CD6: variants seen among roughly 807,000 people sequenced by gnomAD.
CD6 encodes the protein CD6 molecule, also known as T-cell differentiation antigen CD6.
CD6 carries 53 observed loss-of-function variants against 75.3 expected under a neutral mutation model. That is an observed-to-expected ratio of 0.70 (90% CI 0.56 to 0.88). CD6 has a LOEUF of 0.88. Ranked by LOEUF, CD6 falls within the 40% of genes least tolerant of loss-of-function variation. CD6 has a pLI of 0.00. For synonymous variants in CD6, 359 were observed against 381.5 expected (o/e 0.94, Z 0.69); for missense variants, 770 against 897.1 (o/e 0.86, Z 1.81).
At chr11:60,979,929 C>T (rs549007512) in intron 1 of CD6, among the ~76,000 whole-genome samples, 1 of 152,330 alleles carries the variant, frequency 6.6e-6, no homozygotes, top group East Asian at 1.9e-4. Flanking sequence ...AGGCACAATC[C>T]AGTGACAGCT....
intron 1 of CD6, among the ~76,000 whole-genome samples, chr11:60,996,655 TC>T (rs1350173416): frequency 6.6e-6 from 1 of 152,160 alleles, no homozygotes; most frequent in East Asian, 1.9e-4. Context: ...GGAGCACGCC[TC>T]TCCCAAGGTT....
intron 12 of CD6, 124 bp downstream of exon 12, chr11:61,018,517 G>T: frequency 1.3e-6 from 1 of 769,442 alleles, no homozygotes. Context: ...AAAGAAGAGA[G>T]GGAAAGTAAC....
chr11:60,984,808 G>C (rs561938052), intron 1 of CD6, among the ~76,000 whole-genome samples: 12 of 152,316 alleles, frequency 7.9e-5, no homozygotes, highest in African/African-American at 2.9e-4. Context: ...TTCCCGTCAG[G>C]GGGAGGAGCA....
At chr11:60,974,859 G>C in intron 1 of CD6, among the ~76,000 whole-genome samples, 1 of 152,084 alleles carries the variant, frequency 6.6e-6, no homozygotes, top group East Asian at 1.9e-4. Flanking sequence ...TGGAAGGGGG[G>C]TGCTCTGTCA....
chr11:60,998,546 T>C (rs901462753), intron 1 of CD6, among the ~76,000 whole-genome samples: 4 of 152,172 alleles, frequency 2.6e-5, no homozygotes, highest in African/African-American at 9.7e-5. Flanking sequence ...CCCTCTCCAC[T>C]GTGCCCCCAA....
intron 1 of CD6, among the ~76,000 whole-genome samples, chr11:60,994,828 A>T (rs958771619): frequency 6.6e-6 from 1 of 152,228 alleles, no homozygotes; most frequent in Non-Finnish European, 1.5e-5. Context: ...ATGTAAAATA[A>T]TACCAAAGCA....
At chr11:61,018,464 A>G in intron 12 of CD6, 71 bp downstream of exon 12, 1 of 939,644 alleles carries the variant, frequency 1.1e-6, no homozygotes, top group Admixed American at 2.4e-5. Flanking sequence ...GTGGGGAACT[A>G]TTGGATGCAT....
At position 61,009,892 on chromosome 11, in the gene CD6, A is replaced by ACC; in HGVS notation, c.1084+24_1084+25dup. 1 of 1,512,920 alleles carries ACC rather than the reference A, an allele frequency of 6.6e-7. No homozygotes were observed. 93.7% of individuals were successfully genotyped at this position (1,512,920 alleles called of 1,614,324 possible). On this transcript the variant is annotated intron_variant, in intron 5 of 12. Coordinates refer to ENST00000313421, the MANE Select transcript of CD6 (RefSeq NM_006725.5). ...CTGCTCAGGTACCCCATCCTACTCC[A>ACC]CCCCCCCAGATTTGAGCCAGAATTC... is the stretch of plus-strand genomic sequence containing the variant.
chr11:60,990,023 GT>G, intron 1 of CD6, among the ~76,000 whole-genome samples: 1 of 151,592 alleles, frequency 6.6e-6, no homozygotes, highest in East Asian at 1.9e-4. Flanking sequence ...TTTTTATTTT[GT>G]TTTATTTTAT....
Position 61,008,793 on chromosome 11 carries a change from G to T in CD6, c.729G>T (p.Leu243=). ...CTTACCTGTGGGACTGCCCGGGGCTGCCAGGACAGCACTACTGCGGCCACA... is the reference window on the plus strand; with the variant it reads ...CTTACCTGTGGGACTGCCCGGGGCTTCCAGGACAGCACTACTGCGGCCACA... ...AEAYLWDCPG[L]PGQHYCGHKE... is the part of the protein sequence containing the mutation. The change falls in exon 4 of 13, where the codon CTG becomes CTT. Residue 243 remains leucine, a synonymous_variant. Transcript: ENST00000313421. 6.3e-7 allele frequency: 1 copy of T among 1,588,104 alleles called. No homozygotes were observed. The highest frequency in any genetic ancestry group is 2.3e-5 in the East Asian group (1 of 44,402).
intron 2 of CD6, 35 bp downstream of exon 2, chr11:61,006,677 G>C: frequency 6.5e-7 from 1 of 1,550,324 alleles, no homozygotes; most frequent in Non-Finnish European, 8.8e-7. Context: ...TCCATGATCA[G>C]CTTTCTGTAG....
At chr11:60,997,709 A>G (rs1423270387) in intron 1 of CD6, among the ~76,000 whole-genome samples, 1 of 152,226 alleles carries the variant, frequency 6.6e-6, no homozygotes, top group East Asian at 1.9e-4. Flanking sequence ...GGAGAATCAC[A>G]TATCTCACTT....
rs190838193 is a variant in CD6 at position 60,980,128 on chromosome 11, C to T, written c.49+8214C>T. 2.9e-4 allele frequency among the ~76,000 whole-genome samples: 44 copies of T among 152,286 alleles called. 1 individual carries two copies. The highest frequency in any genetic ancestry group is 2.9e-3 in the Admixed American group (44 of 15,296). ...TTTAAATCCATGTCATGATATGTCA[C>T]CACTGGGGGAAGCTGACTGATGGGT... On this transcript the variant is annotated intron_variant, in intron 1 of 12. Coordinates refer to ENST00000313421, the MANE Select transcript of CD6 (RefSeq NM_006725.5).
At chr11:60,982,932 A>G (rs1319790926) in intron 1 of CD6, among the ~76,000 whole-genome samples, 1 of 141,982 alleles carries the variant, frequency 7.0e-6, no homozygotes, top group African/African-American at 2.7e-5. Flanking sequence ...CCCCACCCCT[A>G]GAGAGAATGC....
chr11:61,014,049 G>A, intron 8 of CD6, 35 bp downstream of exon 8: 2 of 1,519,500 alleles, frequency 1.3e-6, no homozygotes, highest in Non-Finnish European at 1.8e-6. Flanking sequence ...TGGGAGGGCT[G>A]GGGAGGACAA....
Position 61,020,168 on chromosome 11 carries a change from A to AG in CD6, c.*854dup, listed in dbSNP as rs1384478722. On this transcript the variant is annotated 3_prime_UTR_variant, in exon 13 of 13. Transcript: ENST00000313421. Reference sequence around the variant, plus strand: ...AGGAGCATAGAGATGTTTTCCAGGAAGGGGCTCAGAAGCTGCACTAGGCCC... The same window carrying AG: ...AGGAGCATAGAGATGTTTTCCAGGAAGGGGGCTCAGAAGCTGCACTAGGCCC... 2.5e-6 allele frequency: 1 copy of AG among 398,522 alleles called. No homozygotes were observed. The highest frequency in any genetic ancestry group is 4.4e-6 in the Non-Finnish European group (1 of 226,088). 24.7% of individuals were successfully genotyped at this position (398,522 alleles called of 1,614,324 possible). A position where few individuals can be genotyped will look rare whatever the true frequency, so the allele number is the denominator to read the frequency against.
intron 9 of CD6, 49 bp from the exon 10 acceptor site, chr11:61,017,430 A>G (rs1859454660): frequency 6.3e-6 from 9 of 1,433,968 alleles, no homozygotes; most frequent in Non-Finnish European, 7.7e-6. Context: ...AGGCTCCTAA[A>G]TGATGAGGTT....
chr11:61,010,442 C>G (rs79460410), intron 5 of CD6, among the ~76,000 whole-genome samples: 3 of 152,156 alleles, frequency 2.0e-5, no homozygotes, highest in Non-Finnish European at 4.4e-5. Flanking sequence ...AGGCCATTAT[C>G]CCAATTTCAG....
At chr11:61,000,476 C>T (rs375834250) in intron 1 of CD6, among the ~76,000 whole-genome samples, 9 of 152,296 alleles carry the variant, frequency 5.9e-5, no homozygotes, top group East Asian at 5.8e-4. Flanking sequence ...AGGATGCAAC[C>T]GTGTTTTCCT....
Sources: allele counts gnomAD v4.1 joint callset (sites outside exome capture counted in the v4.1 genomes callset), GRCh38; gene constraint gnomAD v4.1.1; transcripts MANE v1.5; gene names NCBI Gene and HGNC (gene_info 2026-07-23, HGNC 2026-07-21).